Variants in WDR70 observed in about 807,000 individuals in gnomAD.
WDR70 encodes WD repeat domain 70.
A neutral mutation model predicts 88.6 loss-of-function variants in WDR70; 53 were observed. The ratio of observed to expected loss-of-function variants is 0.60; its 90% CI spans 0.48 to 0.75. The LOEUF (loss-of-function observed/expected upper bound fraction) is 0.75, where lower values mean the gene tolerates loss of function less well. Among genes scored for constraint, WDR70 ranks in the 30% least tolerant of loss-of-function variants. The probability of loss-of-function intolerance (pLI) is 0.00; values close to 1 mark genes in which losing one functional copy is unlikely to be tolerated. For synonymous variants in WDR70, 280 were observed against 270.0 expected, an observed-to-expected ratio of 1.04 and a Z score of -0.36; for missense variants, 610 against 823.2, an observed-to-expected ratio of 0.74 and a Z score of 3.17.
At chr5:37,670,781 G>A (rs1746003557) in intron 10 of WDR70, among the ~76,000 whole-genome samples, 1 of 152,170 alleles carries the variant, frequency 6.6e-6, no homozygotes, top group Non-Finnish European at 1.5e-5. Flanking sequence ...ATCTATTAGA[G>A]ATATTTTGTT....
chr5:37,730,411 T>C (rs1254735567), intron 17 of WDR70, among the ~76,000 whole-genome samples: 2 of 151,326 alleles, frequency 1.3e-5, no homozygotes, highest in Non-Finnish European at 2.9e-5. Context: ...GTATATATTT[T>C]GGTGTATAAC....
intron 8 of WDR70, among the ~76,000 whole-genome samples, chr5:37,515,301 G>A (rs751941167): frequency 1.3e-5 from 2 of 152,208 alleles, no homozygotes; most frequent in Non-Finnish European, 2.9e-5. Flanking sequence ...GAGCTACTAG[G>A]AAAGAAACTG....
At chr5:37,607,432 T>C (rs1364277067) in intron 10 of WDR70, among the ~76,000 whole-genome samples, 1 of 152,164 alleles carries the variant, frequency 6.6e-6, no homozygotes, top group Non-Finnish European at 1.5e-5. Context: ...TTGCCCCATT[T>C]AATCCTAGAA....
intron 7 of WDR70, among the ~76,000 whole-genome samples, chr5:37,464,208 C>G (rs1376172664): frequency 1.3e-5 from 2 of 152,186 alleles, no homozygotes; most frequent in Non-Finnish European, 2.9e-5. Context: ...AATTACACTT[C>G]CCCCAAATGG....
chr5:37,524,744 G>A (rs933421344), intron 9 of WDR70, among the ~76,000 whole-genome samples: 4 of 152,090 alleles, frequency 2.6e-5, no homozygotes, highest in African/African-American at 9.7e-5. Flanking sequence ...CCCATCTCAC[G>A]TGCAGAGACA....
chr5:37,639,031 G>C (rs578113967), intron 10 of WDR70, among the ~76,000 whole-genome samples: 7 of 152,244 alleles, frequency 4.6e-5, no homozygotes, highest in African/African-American at 1.7e-4. Flanking sequence ...GGCTGCCCAA[G>C]GGATGAGTAA....
chr5:37,466,405 A>C (rs1690499807), intron 7 of WDR70, among the ~76,000 whole-genome samples: 1 of 152,270 alleles, frequency 6.6e-6, no homozygotes, highest in Non-Finnish European at 1.5e-5. Context: ...TGGTTATTTA[A>C]ATAAGATAAA....
At chr5:37,594,404 CT>C (rs1743636692) in intron 9 of WDR70, among the ~76,000 whole-genome samples, 1 of 152,136 alleles carries the variant, frequency 6.6e-6, no homozygotes, top group African/African-American at 2.4e-5. Context: ...AAAGGGAATC[CT>C]TTCCCCATTT....
chr5:37,436,592 G>A (rs984520376), intron 5 of WDR70, among the ~76,000 whole-genome samples: 15 of 152,042 alleles, frequency 9.9e-5, no homozygotes, highest in African/African-American at 3.6e-4. Context: ...TTTACTGAGA[G>A]CCTCTTATGT....
intron 17 of WDR70, among the ~76,000 whole-genome samples, chr5:37,752,107 GATC>G (rs1748830947): frequency 6.6e-6 from 1 of 152,140 alleles, no homozygotes; most frequent in Non-Finnish European, 1.5e-5. Flanking sequence ...TCTTAATAAA[GATC>G]ATGTAGATTC....
intron 10 of WDR70, among the ~76,000 whole-genome samples, chr5:37,652,304 G>A (rs181895715): frequency 6.6e-6 from 1 of 152,320 alleles, no homozygotes; most frequent in African/African-American, 2.4e-5. Context: ...CTATATATCT[G>A]TTTTGGTACC....
At chr5:37,618,278 G>C (rs969042839) in intron 10 of WDR70, among the ~76,000 whole-genome samples, 15 of 152,150 alleles carry the variant, frequency 9.9e-5, no homozygotes, top group African/African-American at 2.7e-4. Context: ...TCAATAGAAG[G>C]ATGTAATTTC....
chr5:37,546,566 G>C (rs1742000878), intron 9 of WDR70, among the ~76,000 whole-genome samples: 1 of 152,268 alleles, frequency 6.6e-6, no homozygotes, highest in East Asian at 1.9e-4. Context: ...ATGAAAAATA[G>C]TTAATATTAT....
At chr5:37,571,009 G>T (rs1427127406) in intron 9 of WDR70, among the ~76,000 whole-genome samples, 1 of 151,122 alleles carries the variant, frequency 6.6e-6, no homozygotes, top group Non-Finnish European at 1.5e-5. Context: ...CACCAAGTTT[G>T]TATGATTTTT....
rs533763931 is a variant in WDR70, at chr5:37,751,326, T to C, written c.1878-1160T>C. Among the ~76,000 whole-genome samples, 3 of 152,366 alleles carry C rather than the reference T, an allele frequency of 2.0e-5. No individual in the cohort carries two copies. In the East Asian group the frequency reaches 5.8e-4, roughly 29 times the overall value. On this transcript the variant is annotated intron_variant, in intron 17 of 17. Transcript: ENST00000265107. ...CCTGTTTATAGATATCATAACAGTG[T>C]CTTAAAGTGACAACAAGAAGTTTAA... is the stretch of plus-strand genomic sequence containing the variant.
rs1354708864 is a variant in WDR70 at position 37,752,463 on chromosome 5, CTCT to C, written c.1878-18_1878-16del. 4.4e-6 allele frequency: 7 copies of C among 1,582,722 alleles called. No homozygotes were observed. The highest frequency in any genetic ancestry group is 5.2e-6 in the Non-Finnish European group (6 of 1,164,858). On this transcript the variant is annotated intron_variant, in intron 17 of 17. Coordinates refer to ENST00000265107, the MANE Select transcript of WDR70 (RefSeq NM_018034.4). ...ATACTTTCTGACTAAATTTTTCCTT[CTCT>C]TCTTTAACTTTTCTTTTAGGACTCA...
intron 10 of WDR70, among the ~76,000 whole-genome samples, chr5:37,653,601 C>G (rs1745468238): frequency 6.6e-6 from 1 of 152,148 alleles, no homozygotes; most frequent in Non-Finnish European, 1.5e-5. Context: ...CTATTAATTA[C>G]TACCTCGATT....
At chr5:37,603,596 A>G (rs1743949233) in intron 9 of WDR70, among the ~76,000 whole-genome samples, 2 of 152,204 alleles carry the variant, frequency 1.3e-5, no homozygotes, top group African/African-American at 2.4e-5. Flanking sequence ...AAAAGCAAAA[A>G]TGGGCAAAAG....
intron 5 of WDR70, among the ~76,000 whole-genome samples, chr5:37,420,392 T>A (rs1749908319): frequency 6.6e-6 from 1 of 152,170 alleles, no homozygotes; most frequent in Non-Finnish European, 1.5e-5. Context: ...TTTGTTGACG[T>A]GTATACAAGT....
Sources: gnomAD v4.1 joint callset for allele counts (sites outside exome capture counted in the v4.1 genomes callset) on GRCh38, gnomAD v4.1.1 for gene constraint, MANE v1.5 for transcripts, NCBI Gene and HGNC (gene_info 2026-07-23, HGNC 2026-07-21) for gene names.